MCC: variants seen among roughly 807,000 people sequenced by gnomAD.
The protein encoded by MCC is colorectal mutant cancer protein.
In MCC, 90 loss-of-function variants were observed where a neutral mutation model predicts 116.2. That is an observed-to-expected ratio of 0.77 (90% CI 0.65 to 0.92). MCC has a LOEUF of 0.92. MCC is among the 40% of genes least tolerant of loss of function. The probability of loss-of-function intolerance (pLI) is 0.00; values close to 1 mark genes in which losing one functional copy is unlikely to be tolerated. For missense variants in MCC, 1,516 were observed against 1,312.2 expected (o/e 1.16, Z -2.40); for synonymous variants, 578 against 510.5 (o/e 1.13, Z -1.78).
chr5:113,276,220 T>C (rs1021979966), intron 3 of MCC, among the ~76,000 whole-genome samples: 2 of 152,286 alleles, frequency 1.3e-5, no homozygotes, highest in Non-Finnish European at 2.9e-5. Flanking sequence ...TTCACCATTG[T>C]AAAGGCATTC....
intron 2 of MCC, among the ~76,000 whole-genome samples, chr5:113,354,568 G>A (rs1282465405): frequency 6.6e-6 from 1 of 151,422 alleles, no homozygotes; most frequent in Non-Finnish European, 1.5e-5. Context: ...CGGAGTACCT[G>A]GGATTACAGG....
intron 8 of MCC, among the ~76,000 whole-genome samples, chr5:113,091,308 C>G (rs1369134930): frequency 6.6e-6 from 1 of 152,152 alleles, no homozygotes; most frequent in African/African-American, 2.4e-5. Context: ...TGTAAATCGC[C>G]CAGTATCAAG....
chr5:113,291,525 G>A (rs1485496221), intron 3 of MCC, among the ~76,000 whole-genome samples: 1 of 152,182 alleles, frequency 6.6e-6, no homozygotes, highest in Admixed American at 6.5e-5. Context: ...TGATACCCAG[G>A]ATAATGGCAG....
chr5:113,079,327 C>CA (rs914139009), intron 11 of MCC, among the ~76,000 whole-genome samples: 4 of 152,094 alleles, frequency 2.6e-5, no homozygotes, highest in Admixed American at 1.3e-4. Flanking sequence ...CATATGGAAC[C>CA]AAAAAAGAGC....
At chr5:113,474,791 C>G (rs966097292) in intron 1 of MCC, among the ~76,000 whole-genome samples, 1 of 152,116 alleles carries the variant, frequency 6.6e-6, no homozygotes, top group Non-Finnish European at 1.5e-5. Context: ...TATAAAATTG[C>G]CAACACATTT....
chr5:113,056,491 CAT>C (rs1303850680), intron 14 of MCC, among the ~76,000 whole-genome samples: 1 of 152,184 alleles, frequency 6.6e-6, no homozygotes, highest in Non-Finnish European at 1.5e-5. Context: ...CCAAATACCA[CAT>C]GTTCTTACTT....
At chr5:113,105,073 A>C (rs1448264194) in intron 6 of MCC, among the ~76,000 whole-genome samples, 2 of 152,252 alleles carry the variant, frequency 1.3e-5, no homozygotes, top group African/African-American at 4.8e-5. Flanking sequence ...ATCTTAGAAG[A>C]CAATTTTGTT....
intron 3 of MCC, among the ~76,000 whole-genome samples, chr5:113,317,411 C>CACTG (rs1415405799): frequency 6.6e-6 from 1 of 152,162 alleles, no homozygotes; most frequent in Non-Finnish European, 1.5e-5. Flanking sequence ...TTACAATGGA[C>CACTG]ACTGGTAGAT....
intron 3 of MCC, among the ~76,000 whole-genome samples, chr5:113,217,732 A>G (rs1273783635): frequency 1.3e-5 from 2 of 152,172 alleles, no homozygotes; most frequent in East Asian, 3.9e-4. Context: ...ACTATGACGG[A>G]TGGCCAGGGT....
intron 14 of MCC, among the ~76,000 whole-genome samples, chr5:113,061,706 G>A (rs946686030): frequency 3.9e-5 from 6 of 152,212 alleles, no homozygotes; most frequent in African/African-American, 1.4e-4. Context: ...AATGCCGCTG[G>A]AGGCACAATA....
chr5:113,094,305 A>G (rs545879136), intron 8 of MCC, among the ~76,000 whole-genome samples: 1 of 151,536 alleles, frequency 6.6e-6, no homozygotes, highest in East Asian at 1.9e-4. Flanking sequence ...CAGCATTTCC[A>G]TCTCTCGGTA....
At chr5:113,379,514 T>G (rs6594712) in intron 2 of MCC, among the ~76,000 whole-genome samples, 67,340 of 152,014 alleles carry the variant, frequency 0.44, 16,378 homozygotes, top group African/African-American at 0.64. Context: ...AATCAGGAAC[T>G]TAGCCTAAGT....
intron 1 of MCC, among the ~76,000 whole-genome samples, chr5:113,457,719 G>GT (rs1486736500): frequency 2.1e-5 from 3 of 144,812 alleles, no homozygotes; most frequent in Admixed American, 6.7e-5. Flanking sequence ...TCAGCACCCT[G>GT]TGTCTAGCTC....
chr5:113,071,625 G>T (rs1413810470), intron 11 of MCC, among the ~76,000 whole-genome samples: 5 of 152,186 alleles, frequency 3.3e-5, no homozygotes, highest in Non-Finnish European at 5.9e-5. Context: ...ATGAAAAGCA[G>T]CAAGACAGCA....
At chr5:113,465,134 G>A (rs1386533638) in intron 1 of MCC, among the ~76,000 whole-genome samples, 1 of 150,408 alleles carries the variant, frequency 6.6e-6, no homozygotes, top group African/African-American at 2.4e-5. Context: ...AATGAGGAAG[G>A]GAGGCCACAT....
At chr5:113,316,273 A>G (rs1022747692) in intron 3 of MCC, among the ~76,000 whole-genome samples, 13 of 151,354 alleles carry the variant, frequency 8.6e-5, no homozygotes, top group Non-Finnish European at 1.6e-4. Context: ...AAAAAAAAAG[A>G]AAGAGATATG....
intron 14 of MCC, among the ~76,000 whole-genome samples, chr5:113,057,830 A>G (rs1752941848): frequency 6.6e-6 from 1 of 152,276 alleles, no homozygotes; most frequent in Admixed American, 6.5e-5. Context: ...CGACAAAATT[A>G]GAGCAAACTC....
intron 1 of MCC, among the ~76,000 whole-genome samples, chr5:113,466,086 G>C (rs769354438): frequency 2.0e-5 from 3 of 152,082 alleles, no homozygotes; most frequent in Non-Finnish European, 4.4e-5. Flanking sequence ...ATAGGGAACA[G>C]TGTGAGCCAT....
chr5:113,430,573 C>T (rs1265029320), intron 1 of MCC, among the ~76,000 whole-genome samples: 4 of 152,142 alleles, frequency 2.6e-5, no homozygotes, highest in African/African-American at 9.7e-5. Flanking sequence ...AGGACAATTC[C>T]TCAGGACAGT....
Sources: allele counts gnomAD v4.1 joint callset (sites outside exome capture counted in the v4.1 genomes callset), GRCh38; gene constraint gnomAD v4.1.1; transcripts MANE v1.5; gene names NCBI Gene and HGNC (gene_info 2026-07-23, HGNC 2026-07-21).